The following SYN2 variants were observed in gnomAD, a reference collection of about 807,000 sequenced individuals.
SYN2 encodes synapsin II.
A neutral mutation model predicts 50.9 loss-of-function variants in SYN2; 19 were observed. The ratio of observed to expected loss-of-function variants is 0.37; its 90% CI spans 0.26 to 0.55. SYN2 has a LOEUF of 0.55. Ranked by LOEUF, SYN2 falls within the 20% of genes least tolerant of loss-of-function variation. The pLI is 0.81. For synonymous variants in SYN2, 255 were observed against 224.9 expected, an observed-to-expected ratio of 1.13 and a Z score of -1.20; for missense variants, 587 against 576.4, an observed-to-expected ratio of 1.02 and a Z score of -0.19.
At chr3:12,066,513 C>T (rs1483870995) in intron 1 of SYN2, among the ~76,000 whole-genome samples, 2 of 152,120 alleles carry the variant, frequency 1.3e-5, no homozygotes, top group South Asian at 2.1e-4. Context: ...AAACTCTTGG[C>T]GGCATTGGTA....
chr3:12,181,304 G>C (rs1698214899), intron 10 of SYN2, among the ~76,000 whole-genome samples: 1 of 152,246 alleles, frequency 6.6e-6, no homozygotes, highest in Admixed American at 6.5e-5. Flanking sequence ...ATGAGGCCCT[G>C]GGGGAGAGAC....
At chr3:12,068,761 T>C (rs1695277635) in intron 1 of SYN2, among the ~76,000 whole-genome samples, 2 of 152,254 alleles carry the variant, frequency 1.3e-5, no homozygotes, top group Admixed American at 6.5e-5. Flanking sequence ...TCCTGTGATA[T>C]TGTTTTCTCT....
At chr3:12,153,964 A>C (rs1213061335) in intron 5 of SYN2, among the ~76,000 whole-genome samples, 2 of 152,118 alleles carry the variant, frequency 1.3e-5, no homozygotes, top group Non-Finnish European at 2.9e-5. Flanking sequence ...TGAGCACTTC[A>C]CTTGCCAGAG....
intron 1 of SYN2, among the ~76,000 whole-genome samples, chr3:12,107,857 A>AGAAC (rs2125193566): frequency 6.6e-6 from 1 of 152,350 alleles, no homozygotes; most frequent in Non-Finnish European, 1.5e-5. Flanking sequence ...GAAGTCCTAT[A>AGAAC]GAACATTCAA....
At chr3:12,119,411 T>A (rs1195841113) in intron 1 of SYN2, among the ~76,000 whole-genome samples, 1 of 152,204 alleles carries the variant, frequency 6.6e-6, no homozygotes, top group Non-Finnish European at 1.5e-5. Context: ...TTTTATTCAT[T>A]TCTGCAATCG....
intron 1 of SYN2, among the ~76,000 whole-genome samples, chr3:12,101,852 G>A (rs1210181628): frequency 6.6e-6 from 1 of 152,086 alleles, no homozygotes; most frequent in Non-Finnish European, 1.5e-5. Flanking sequence ...TAGGATGTTG[G>A]CAAAATCACT....
At chr3:12,069,261 G>A (rs62240406) in intron 1 of SYN2, among the ~76,000 whole-genome samples, 1 of 107,616 alleles carries the variant, frequency 9.3e-6, no homozygotes, top group East Asian at 2.7e-4. Context: ...TTTTTTTTTG[G>A]AGACGGAGTC....
chr3:12,151,374 C>T (rs759233366), intron 5 of SYN2, 48 bp downstream of exon 5: 6 of 1,466,918 alleles, frequency 4.1e-6, no homozygotes, highest in Middle Eastern at 1.7e-4. Context: ...TTTCATTTTG[C>T]ACTTAGCCAC....
chr3:12,078,632 C>A (rs933433361), intron 1 of SYN2, among the ~76,000 whole-genome samples: 7 of 152,002 alleles, frequency 4.6e-5, no homozygotes, highest in Non-Finnish European at 1.0e-4. Context: ...AGTCTTATTT[C>A]TGAGTTCTCT....
chr3:12,146,075 G>C lies in SYN2; in HGVS notation c.684+240G>C, dbSNP rs2119810. Among the ~76,000 whole-genome samples, 978 of 152,326 alleles carry C rather than the reference G, an allele frequency of 6.4e-3. 11 individuals are homozygous for C. Among genetic ancestry groups the C allele is most frequent in the Middle Eastern group, 0.014 (4 of 294 alleles). On this transcript the variant is annotated intron_variant, in intron 4 of 12. Coordinates refer to ENST00000621198, the MANE Select transcript of SYN2 (RefSeq NM_133625.6). The stretch of plus-strand genomic sequence containing the variant: ...AATAGCACAGCATCACCTGTCACAG[G>C]CTCAGCACCTTTGCTGCGGAGTGGA...
At chr3:12,083,593 G>T (rs1173532116) in intron 1 of SYN2, among the ~76,000 whole-genome samples, 1 of 152,174 alleles carries the variant, frequency 6.6e-6, no homozygotes, top group Non-Finnish European at 1.5e-5. Context: ...TACTGGAAGT[G>T]CTAATGTTCC....
At chr3:12,022,922 A>G (rs553126356) in intron 1 of SYN2, among the ~76,000 whole-genome samples, 50 of 84,182 alleles carry the variant, frequency 5.9e-4, no homozygotes, top group African/African-American at 1.3e-3. Context: ...TAGCTGCAAT[A>G]TGAGAGCAAC....
At chr3:12,186,851 G>A (rs1215729851) in intron 11 of SYN2, among the ~76,000 whole-genome samples, 3 of 152,106 alleles carry the variant, frequency 2.0e-5, no homozygotes, top group Non-Finnish European at 4.4e-5. Context: ...CTAAGACCAG[G>A]GCTTACACTT....
intron 1 of SYN2, among the ~76,000 whole-genome samples, chr3:12,069,164 T>C (rs1695284373): frequency 6.6e-6 from 1 of 152,256 alleles, no homozygotes; most frequent in Non-Finnish European, 1.5e-5. Context: ...TATTCATCAG[T>C]TGATGGACAT....
At chr3:12,153,366 C>T (rs533502122) in intron 5 of SYN2, 4 of 918,546 alleles carry the variant, frequency 4.4e-6, no homozygotes, top group South Asian at 1.5e-5. Flanking sequence ...TGGCCCCTTC[C>T]CTGCCTTGAC....
chr3:12,129,852 T>A (rs771367830), intron 1 of SYN2, among the ~76,000 whole-genome samples: 1 of 152,116 alleles, frequency 6.6e-6, no homozygotes, highest in Non-Finnish European at 1.5e-5. Flanking sequence ...TATGATGGTA[T>A]TTGGAGGTGG....
chr3:12,077,964 G>A (rs887830534), intron 1 of SYN2, among the ~76,000 whole-genome samples: 2 of 151,956 alleles, frequency 1.3e-5, no homozygotes, highest in African/African-American at 4.8e-5. Flanking sequence ...TTATTTCTCT[G>A]CAACCTTGCC....
intron 1 of SYN2, among the ~76,000 whole-genome samples, chr3:12,057,283 C>CTGTGTG (rs1361358278): frequency 1.4e-4 from 3 of 21,448 alleles, no homozygotes; most frequent in East Asian, 1.1e-3. Flanking sequence ...CAAGGCAAGA[C>CTGTGTG]TGTCTGTGTG....
chr3:12,100,691 A>C (rs1696054070), intron 1 of SYN2, among the ~76,000 whole-genome samples: 1 of 152,172 alleles, frequency 6.6e-6, no homozygotes, highest in Non-Finnish European at 1.5e-5. Flanking sequence ...CAACCCACAA[A>C]ATGGGAAAAA....
Sources: gnomAD v4.1 joint callset for allele counts (sites outside exome capture counted in the v4.1 genomes callset) on GRCh38, gnomAD v4.1.1 for gene constraint, MANE v1.5 for transcripts, NCBI Gene and HGNC (gene_info 2026-07-23, HGNC 2026-07-21) for gene names.